The following ARHGEF4 variants were observed in gnomAD, a reference collection of about 807,000 sequenced individuals.
ARHGEF4 encodes APC-stimulated guanine nucleotide exchange factor 1.
Under a neutral mutation model 162.0 loss-of-function variants are expected in ARHGEF4, and 119 were observed. That is an observed-to-expected ratio of 0.73 (90% confidence interval 0.63 to 0.86). The LOEUF (loss-of-function observed/expected upper bound fraction) is 0.86. ARHGEF4 is among the 40% of genes least tolerant of loss of function. The pLI is 0.00. For synonymous variants in ARHGEF4, 1,014 were observed against 979.9 expected (o/e 1.03, Z -0.65); for missense variants, 2,488 against 2,456.0 (o/e 1.01, Z -0.28).
chr2:130,993,063 A>C (rs745561170), intron 4 of ARHGEF4, among the ~76,000 whole-genome samples: 4 of 152,234 alleles, frequency 2.6e-5, no homozygotes, highest in Admixed American at 2.0e-4. Flanking sequence ...CAGTCTGGGC[A>C]ACAGAGCAAG....
At chr2:130,941,098 C>T (rs1488083587) in intron 3 of ARHGEF4, among the ~76,000 whole-genome samples, 2 of 152,018 alleles carry the variant, frequency 1.3e-5, no homozygotes, top group Non-Finnish European at 2.9e-5. Context: ...TTAAGTAACC[C>T]ATATGAGAAA....
chr2:130,928,117 T>C (rs540349202), intron 2 of ARHGEF4, among the ~76,000 whole-genome samples: 73 of 152,350 alleles, frequency 4.8e-4, no homozygotes, highest in African/African-American at 1.7e-3. Context: ...GTGAATTTCA[T>C]ATTTATTTCA....
intron 4 of ARHGEF4, among the ~76,000 whole-genome samples, chr2:131,001,599 C>G (rs948689780): frequency 2.6e-5 from 4 of 152,000 alleles, no homozygotes; most frequent in African/African-American, 9.7e-5. Context: ...ACAGATACTT[C>G]AGAGGTTAGT....
chr2:130,926,008 T>TTTTTTCTTTC (rs1307168731), intron 2 of ARHGEF4, among the ~76,000 whole-genome samples: 1 of 19,002 alleles, frequency 5.3e-5, no homozygotes, highest in African/African-American at 8.2e-5. Context: ...ATTTGTTTGG[T>TTTTTTCTTTC]TTTCTCTCTT....
intron 1 of ARHGEF4, among the ~76,000 whole-genome samples, chr2:130,895,987 G>A (rs1284256068): frequency 6.6e-6 from 1 of 152,118 alleles, no homozygotes; most frequent in Non-Finnish European, 1.5e-5. Flanking sequence ...TATATTTTGA[G>A]TTAATTTTAT....
chr2:131,033,956 A>G (rs1690043955), intron 5 of ARHGEF4, among the ~76,000 whole-genome samples: 1 of 152,180 alleles, frequency 6.6e-6, no homozygotes, highest in Non-Finnish European at 1.5e-5. Flanking sequence ...AGAGGTGCCT[A>G]TGCCCATGCA....
intron 4 of ARHGEF4, among the ~76,000 whole-genome samples, chr2:130,999,764 A>T (rs1298823407): frequency 6.6e-6 from 1 of 151,910 alleles, no homozygotes; most frequent in Non-Finnish European, 1.5e-5. Flanking sequence ...GTGCAGTGGC[A>T]CGATCTTGGC....
intron 1 of ARHGEF4, among the ~76,000 whole-genome samples, chr2:130,857,650 C>A (rs1411713041): frequency 1.7e-4 from 1 of 5,834 alleles, no homozygotes; most frequent in Non-Finnish European, 2.6e-4. Context: ...TAAAAAATAA[C>A]AAAAATCAAA....
chr2:130,897,178 C>T (rs900797323), intron 1 of ARHGEF4, among the ~76,000 whole-genome samples: 3 of 152,178 alleles, frequency 2.0e-5, no homozygotes, highest in African/African-American at 4.8e-5. Flanking sequence ...TTTTAACCAA[C>T]AGCGCACACA....
At chr2:130,872,032 G>C (rs1251996385) in intron 1 of ARHGEF4, among the ~76,000 whole-genome samples, 1 of 152,252 alleles carries the variant, frequency 6.6e-6, no homozygotes, top group Non-Finnish European at 1.5e-5. Flanking sequence ...GCAAAATGGA[G>C]CAACAGGGCC....
chr2:130,864,089 G>A (rs1050417029), intron 1 of ARHGEF4, among the ~76,000 whole-genome samples: 11 of 151,808 alleles, frequency 7.2e-5, no homozygotes, highest in African/African-American at 1.9e-4. Flanking sequence ...GGGAGGCCGA[G>A]GCAGAAGAAT....
At chr2:130,983,439 C>T (rs1380279473) in intron 4 of ARHGEF4, among the ~76,000 whole-genome samples, 1 of 152,134 alleles carries the variant, frequency 6.6e-6, no homozygotes, top group Non-Finnish European at 1.5e-5. Context: ...CCATGCCAAA[C>T]CCTGACATCT....
chr2:131,041,492 C>T (rs1011534591), intron 9 of ARHGEF4, 30 bp downstream of exon 9: 1 of 1,590,828 alleles, frequency 6.3e-7, no homozygotes. Flanking sequence ...GGGAGGCAGC[C>T]CACGCCTCTG....
chr2:130,960,507 A>G (rs890706909), intron 4 of ARHGEF4, among the ~76,000 whole-genome samples: 1 of 152,174 alleles, frequency 6.6e-6, no homozygotes, highest in African/African-American at 2.4e-5. Context: ...GTTATGCTCT[A>G]TGATGTTCAC....
At chr2:130,926,036 CTT>C (rs1406671212) in intron 2 of ARHGEF4, among the ~76,000 whole-genome samples, 5 of 107,626 alleles carry the variant, frequency 4.6e-5, no homozygotes, top group African/African-American at 2.7e-4. Context: ...TTCTTTCTTT[CTT>C]TCTTTCTTTC....
rs1166657650 is a variant in ARHGEF4 at position 130,915,270 on chromosome 2, C to G, written c.1324C>G (p.Leu442Val). ...DSRSCLVASCLTSELVKLSAE... is the reference protein window; with the variant it reads ...DSRSCLVASCVTSELVKLSAE... ...CAGGTCATGTCTGGTGGCTTCATGC[C>G]TCACCTCAGAGTTAGTGAAGCTCAG... The change falls in exon 2 of 14, where the codon CTC becomes GTC. Residue 442 changes from leucine to valine, a missense_variant. Transcript: ENST00000409359. 25 of 1,550,480 alleles carry G rather than the reference C, an allele frequency of 1.6e-5. No homozygotes were observed. Among genetic ancestry groups the G allele is most frequent in the Non-Finnish European group, 2.2e-5 (25 of 1,147,020 alleles).
chr2:130,962,972 G>A (rs1322953282), intron 4 of ARHGEF4, among the ~76,000 whole-genome samples: 1 of 152,110 alleles, frequency 6.6e-6, no homozygotes, highest in Non-Finnish European at 1.5e-5. Flanking sequence ...CTTGTGTGGA[G>A]CTTCTGGGTG....
chr2:130,976,255 A>G (rs1296329916), intron 4 of ARHGEF4, among the ~76,000 whole-genome samples: 5 of 151,946 alleles, frequency 3.3e-5, no homozygotes, highest in Non-Finnish European at 7.4e-5. Flanking sequence ...TATGTTGGAG[A>G]GTGTGGTTAA....
At chr2:130,877,689 G>A (rs1053147756) in intron 1 of ARHGEF4, among the ~76,000 whole-genome samples, 1 of 152,070 alleles carries the variant, frequency 6.6e-6, no homozygotes, top group Admixed American at 6.6e-5. Context: ...ACCTTCTCAG[G>A]GGTCCTTCTC....
Sources: gnomAD v4.1 joint callset for allele counts (sites outside exome capture counted in the v4.1 genomes callset) on GRCh38, gnomAD v4.1.1 for gene constraint, MANE v1.5 for transcripts, NCBI Gene and HGNC (gene_info 2026-07-23, HGNC 2026-07-21) for gene names.